ANKRD42: variants seen among roughly 807,000 people sequenced by gnomAD.
The protein encoded by ANKRD42 is ankyrin repeat domain-containing protein 42.
In ANKRD42, 43 loss-of-function variants were observed where a neutral mutation model predicts 51.5. That is an observed-to-expected ratio of 0.83 (90% CI 0.65 to 1.08). The LOEUF (loss-of-function observed/expected upper bound fraction) is 1.08, where lower values mean the gene tolerates loss of function less well. ANKRD42 is among the 50% of genes least tolerant of loss of function. The pLI, the probability that ANKRD42 is intolerant of heterozygous loss-of-function variation, is 0.00. For missense variants in ANKRD42, 608 were observed against 629.3 expected (o/e 0.97, Z 0.36); for synonymous variants, 203 against 213.0 (o/e 0.95, Z 0.41).
intron 2 of ANKRD42, 42 bp downstream of exon 2, chr11:83,198,684 C>A: frequency 6.6e-7 from 1 of 1,504,470 alleles, no homozygotes; most frequent in Non-Finnish European, 8.9e-7. Flanking sequence ...TAAGTTTTAG[C>A]TATAACAGTT....
intron 1 of ANKRD42, among the ~76,000 whole-genome samples, chr11:83,196,398 AGTGTGTGTGTGTGTGT>A (rs145815586): frequency 4.8e-5 from 6 of 124,748 alleles, no homozygotes; most frequent in Non-Finnish European, 6.6e-5. Flanking sequence ...AGTGTGTGAG[AGTGTGTGTGTGTGTGT>A]GTGTGTGTGT....
intron 5 of ANKRD42, among the ~76,000 whole-genome samples, chr11:83,220,112 T>C (rs989207286): frequency 3.9e-5 from 6 of 152,180 alleles, no homozygotes; most frequent in Admixed American, 3.9e-4. Flanking sequence ...GTGGGACCAT[T>C]GTCTCAACCA....
At chr11:83,198,438 T>C (rs2135476288) in intron 1 of ANKRD42, 41 bp from the exon 2 acceptor site, 3 of 1,537,736 alleles carry the variant, frequency 2.0e-6, no homozygotes, top group Non-Finnish European at 2.6e-6. Flanking sequence ...TTTTCTTTCA[T>C]AGTTTTGTAG....
At position 83,242,567 on chromosome 11, in the gene ANKRD42, G is replaced by GTTTTTTTTTTTTTTTTTTT. The variant is rs539259244; in HGVS notation, c.1195+1651_1195+1652insTTTTTTTTTTTTTTTTTTT. Among the ~76,000 whole-genome samples the GTTTTTTTTTTTTTTTTTTT allele has an allele frequency of 1.9e-3, 214 of 115,512 alleles. 8 individuals carry two copies. The highest frequency in any genetic ancestry group is 4.1e-3 in the South Asian group (13 of 3,190). The allele number at this position is 115,512 out of a possible 152,430, so 75.8% of individuals were successfully genotyped here. On this transcript the variant is annotated intron_variant, in intron 9 of 10. Transcript: ENST00000533342. ...GGGGAATTCGGTGAATGGTAGTTAA[G>GTTTTTTTTTTTTTTTTTTT]TTTTTTTTTTTTTTTTTTAGATGGA...
At chr11:83,198,273 A>G (rs763712393) in intron 1 of ANKRD42, among the ~76,000 whole-genome samples, 23 of 152,160 alleles carry the variant, frequency 1.5e-4, no homozygotes, top group African/African-American at 2.4e-4. Flanking sequence ...ATTTTTCCCT[A>G]TAAGGATGGG....
At chr11:83,210,223 C>T in intron 3 of ANKRD42, 77 bp from the exon 4 acceptor site, 1 of 1,442,672 alleles carries the variant, frequency 6.9e-7, no homozygotes, top group Non-Finnish European at 9.6e-7. Context: ...AATTGCTTGC[C>T]TTTGTATAAT....
intron 5 of ANKRD42, chr11:83,213,196 A>T: frequency 6.2e-7 from 1 of 1,600,920 alleles, no homozygotes; most frequent in Non-Finnish European, 8.5e-7. Flanking sequence ...GAGCGACAAA[A>T]AAAACAAAGC....
downstream of ANKRD42, among the ~76,000 whole-genome samples, chr11:83,250,665 G>A (rs949481270): frequency 8.6e-5 from 13 of 152,022 alleles, no homozygotes; most frequent in African/African-American, 3.1e-4. Context: ...CGAAATTCCT[G>A]GTGGTGCTTG....
chr11:83,242,349 T>A (rs1863410403), intron 9 of ANKRD42, among the ~76,000 whole-genome samples: 1 of 151,982 alleles, frequency 6.6e-6, no homozygotes, highest in Non-Finnish European at 1.5e-5. Context: ...AGCAGGGAAA[T>A]CAGTTAGGGG....
intron 5 of ANKRD42, among the ~76,000 whole-genome samples, chr11:83,216,291 T>A (rs2135514097): frequency 6.6e-6 from 1 of 152,294 alleles, no homozygotes; most frequent in Middle Eastern, 3.4e-3. Context: ...TGCACATTAG[T>A]GTTTCTTCTT....
At chr11:83,198,370 T>C (rs1173005695) in intron 1 of ANKRD42, 109 bp from the exon 2 acceptor site, 11 of 1,091,754 alleles carry the variant, frequency 1.0e-5, no homozygotes, top group Non-Finnish European at 1.4e-5. Flanking sequence ...TGTAGTAAAT[T>C]ATTTGGAAAG....
intron 5 of ANKRD42, among the ~76,000 whole-genome samples, chr11:83,216,150 T>G (rs939696278): frequency 2.0e-5 from 3 of 152,174 alleles, no homozygotes; most frequent in Non-Finnish European, 1.5e-5. Context: ...GCTATTATTA[T>G]TGTTGTTAGA....
At chr11:83,212,776 A>AT in intron 5 of ANKRD42, 2 of 1,514,028 alleles carry the variant, frequency 1.3e-6, no homozygotes, top group African/African-American at 2.8e-5. Flanking sequence ...GTCCAGGATC[A>AT]TTTTGTTTTT....
downstream of ANKRD42, among the ~76,000 whole-genome samples, chr11:83,256,674 A>T (rs1421133518): frequency 6.6e-6 from 1 of 152,200 alleles, no homozygotes; most frequent in African/African-American, 2.4e-5. Flanking sequence ...CCCTGGCAGC[A>T]GCCATCTCAC....
chr11:83,206,295 C>G, intron 3 of ANKRD42, 130 bp downstream of exon 3: 1 of 702,590 alleles, frequency 1.4e-6, no homozygotes, highest in Non-Finnish European at 2.3e-6. Context: ...CTGGATTCCA[C>G]AACTCAGATA....
At chr11:83,219,560 A>G (rs1862651834) in intron 5 of ANKRD42, among the ~76,000 whole-genome samples, 1 of 152,214 alleles carries the variant, frequency 6.6e-6, no homozygotes, top group African/African-American at 2.4e-5. Flanking sequence ...CTCTGTCCCC[A>G]CTTGCCATCA....
At chr11:83,219,110 G>C (rs1013385057) in intron 5 of ANKRD42, among the ~76,000 whole-genome samples, 1 of 152,170 alleles carries the variant, frequency 6.6e-6, no homozygotes, top group Admixed American at 6.5e-5. Flanking sequence ...ATTTTAAACA[G>C]AGGGATGTCT....
At chr11:83,241,612 T>C (rs903634763) in intron 9 of ANKRD42, among the ~76,000 whole-genome samples, 1 of 152,170 alleles carries the variant, frequency 6.6e-6, no homozygotes, top group Admixed American at 6.5e-5. Context: ...CCTAAGGAAG[T>C]GGCGACAGAT....
At chr11:83,241,997 G>A (rs1039168005) in intron 9 of ANKRD42, among the ~76,000 whole-genome samples, 1 of 152,136 alleles carries the variant, frequency 6.6e-6, no homozygotes, top group African/African-American at 2.4e-5. Context: ...AAGAGCAGAC[G>A]TAGAATATCT....
Sources: gnomAD v4.1 joint callset for allele counts (sites outside exome capture counted in the v4.1 genomes callset) on GRCh38, gnomAD v4.1.1 for gene constraint, MANE v1.5 for transcripts, NCBI Gene and HGNC (gene_info 2026-07-23, HGNC 2026-07-21) for gene names.